RASA2: variants seen among roughly 807,000 people sequenced by gnomAD.
RASA2 encodes RAS p21 protein activator 2, also known as ras GTPase-activating protein 2.
RASA2 carries 155 observed loss-of-function variants against 118.2 expected under a neutral mutation model. The observed-to-expected ratio is 1.31, with a 90% CI of 1.15 to 1.50. The LOEUF (loss-of-function observed/expected upper bound fraction) is 1.50, where lower values mean the gene tolerates loss of function less well. Ranked by LOEUF, RASA2 falls within the 40% of genes most tolerant of loss-of-function variation. RASA2 has a pLI of 0.00. For synonymous variants in RASA2, 353 were observed against 349.1 expected, an observed-to-expected ratio of 1.01 and a Z score of -0.12; for missense variants, 1,016 against 1,009.6, an observed-to-expected ratio of 1.01 and a Z score of -0.09.
chr3:141,587,434 A>G (rs2107777812), intron 19 of RASA2, among the ~76,000 whole-genome samples: 2 of 152,342 alleles, frequency 1.3e-5, no homozygotes, highest in Middle Eastern at 6.8e-3. Context: ...ACAGAAGGCC[A>G]GGTGTGGTGG....
At chr3:141,552,395 G>A (rs1303372516) in intron 5 of RASA2, among the ~76,000 whole-genome samples, 2 of 152,136 alleles carry the variant, frequency 1.3e-5, no homozygotes, top group Non-Finnish European at 2.9e-5. Context: ...TTGAGTCTTG[G>A]CCAGCTTCTT....
intron 9 of RASA2, among the ~76,000 whole-genome samples, chr3:141,569,796 T>C (rs1385829684): frequency 1.3e-5 from 2 of 151,916 alleles, no homozygotes; most frequent in Admixed American, 1.3e-4. Context: ...CCCTCCCCAC[T>C]TTTGGAACCC....
At chr3:141,504,621 G>C (rs1466939456) in intron 1 of RASA2, among the ~76,000 whole-genome samples, 4 of 152,090 alleles carry the variant, frequency 2.6e-5, no homozygotes, top group Non-Finnish European at 5.9e-5. Context: ...CGCTCATTGA[G>C]ATTACTACAG....
intron 1 of RASA2, among the ~76,000 whole-genome samples, chr3:141,499,394 G>T (rs1275916505): frequency 6.6e-6 from 1 of 152,072 alleles, no homozygotes; most frequent in East Asian, 1.9e-4. Context: ...ATGTGGAATT[G>T]TACTTATATA....
At chr3:141,494,245 A>C (rs1404668523) in intron 1 of RASA2, among the ~76,000 whole-genome samples, 6 of 152,256 alleles carry the variant, frequency 3.9e-5, no homozygotes, top group Admixed American at 3.3e-4. Context: ...TTGGAAAGAC[A>C]ATGCTAAACT....
Position 141,529,692 on chromosome 3 carries a change from T to G in RASA2, c.356-16T>G. The stretch of plus-strand genomic sequence containing the variant: ...CGAAGCATGTTTTCTTATATTGTTT[T>G]ACTTATTTTCTGTAGGAAAAGTAGC... On this transcript the variant is annotated splice_polypyrimidine_tract_variant and intron_variant, in intron 3 of 23. Transcript: ENST00000286364. The G allele has an allele frequency of 6.4e-7, 1 of 1,561,528 alleles. No individual in the cohort carries two copies. The highest frequency in any genetic ancestry group is 8.8e-7 in the Non-Finnish European group (1 of 1,133,654).
intron 1 of RASA2, among the ~76,000 whole-genome samples, chr3:141,505,289 C>T (rs1251298247): frequency 6.6e-6 from 1 of 152,166 alleles, no homozygotes; most frequent in African/African-American, 2.4e-5. Context: ...AACAGTGCCT[C>T]GTGTGTTTAG....
At chr3:141,538,340 A>T (rs1166309806) in intron 4 of RASA2, among the ~76,000 whole-genome samples, 2 of 152,210 alleles carry the variant, frequency 1.3e-5, no homozygotes, top group African/African-American at 4.8e-5. Context: ...TTAAATTGGT[A>T]GTATATACTT....
intron 19 of RASA2, among the ~76,000 whole-genome samples, chr3:141,588,737 A>G (rs1473045404): frequency 6.6e-6 from 1 of 152,156 alleles, no homozygotes; most frequent in Non-Finnish European, 1.5e-5. Context: ...AACCAAATGC[A>G]TTATACTTTT....
At chr3:141,517,445 C>A (rs907323412) in intron 3 of RASA2, among the ~76,000 whole-genome samples, 1 of 152,140 alleles carries the variant, frequency 6.6e-6, no homozygotes, top group East Asian at 1.9e-4. Flanking sequence ...CTTCACATGG[C>A]TGGCAGGAGA....
chr3:141,598,483 A>G (rs1307665713), intron 19 of RASA2, among the ~76,000 whole-genome samples: 40 of 152,360 alleles, frequency 2.6e-4, no homozygotes, highest in Non-Finnish European at 5.9e-5. Flanking sequence ...TGTATGTAAG[A>G]AATTTGTAGT....
intron 6 of RASA2, 139 bp from the exon 7 acceptor site, chr3:141,555,701 C>T: frequency 3.1e-6 from 2 of 640,044 alleles, no homozygotes; most frequent in Non-Finnish European, 5.3e-6. Flanking sequence ...TACTTTTTTC[C>T]AAGCAATATT....
intron 9 of RASA2, among the ~76,000 whole-genome samples, chr3:141,565,468 C>A (rs1192565006): frequency 6.6e-6 from 1 of 152,200 alleles, no homozygotes; most frequent in Non-Finnish European, 1.5e-5. Context: ...GAATTGTAAT[C>A]ATCCCCACAT....
rs201985026 is a variant in RASA2 at position 141,506,581 on chromosome 3, CA to C, written c.134-5578del. On this transcript the variant is annotated intron_variant, in intron 1 of 23. Coordinates refer to ENST00000286364, the MANE Select transcript of RASA2 (RefSeq NM_006506.5). ...AATTTAAGGATAAAATAGAGGCACC[CA>C]AAATGGTGCACACGATTTGAATGTT... Among the ~76,000 whole-genome samples, 9 of 152,212 alleles carry C rather than the reference CA, an allele frequency of 5.9e-5. No individual in the cohort carries two copies. In the East Asian group the frequency reaches 1.7e-3, roughly 29 times the overall value.
At chr3:141,600,257 C>G in intron 19 of RASA2, 2 of 529,106 alleles carry the variant, frequency 3.8e-6, no homozygotes, top group Non-Finnish European at 3.9e-6. Flanking sequence ...GGAGGACACC[C>G]TGTATGTATT....
intron 18 of RASA2, 66 bp downstream of exon 18, chr3:141,586,164 G>T (rs141835822): frequency 2.1e-6 from 3 of 1,416,954 alleles, no homozygotes; most frequent in Non-Finnish European, 2.9e-6. Flanking sequence ...TACAAAGAGC[G>T]TGGGTCTAAG....
chr3:141,513,023 A>G (rs1244581248), intron 2 of RASA2, among the ~76,000 whole-genome samples: 6 of 150,842 alleles, frequency 4.0e-5, no homozygotes, highest in Non-Finnish European at 3.0e-5. Context: ...AGATTATGCC[A>G]TTGGACTCTA....
intron 22 of RASA2, 53 bp from the exon 23 acceptor site, chr3:141,609,824 C>A: frequency 6.9e-7 from 1 of 1,446,888 alleles, no homozygotes; most frequent in Non-Finnish European, 9.2e-7. Flanking sequence ...CTACATATTG[C>A]ATTTATAGAA....
chr3:141,517,811 G>A (rs1176792342), intron 3 of RASA2, among the ~76,000 whole-genome samples: 1 of 151,868 alleles, frequency 6.6e-6, no homozygotes, highest in African/African-American at 2.4e-5. Flanking sequence ...CCACCACCAC[G>A]CCCGACTAAT....
Sources: gnomAD v4.1 joint callset for allele counts (sites outside exome capture counted in the v4.1 genomes callset) on GRCh38, gnomAD v4.1.1 for gene constraint, MANE v1.5 for transcripts, NCBI Gene and HGNC (gene_info 2026-07-23, HGNC 2026-07-21) for gene names.